IFT46: variants seen among roughly 807,000 people sequenced by gnomAD.
The protein encoded by IFT46 is intraflagellar transport protein 46 homolog.
Under a neutral mutation model 39.6 loss-of-function variants are expected in IFT46, and 19 were observed. The observed-to-expected ratio is 0.48, with a 90% CI of 0.33 to 0.70. IFT46 has a LOEUF of 0.70. Among genes scored for constraint, IFT46 ranks in the 30% least tolerant of loss-of-function variants. The pLI is 0.01. For synonymous variants in IFT46, 117 were observed against 134.8 expected (o/e 0.87, Z 0.91); for missense variants, 334 against 364.8 (o/e 0.92, Z 0.69).
intron 3 of IFT46, among the ~76,000 whole-genome samples, chr11:118,559,272 C>T (rs1346611647): frequency 1.3e-5 from 2 of 152,168 alleles, no homozygotes; most frequent in East Asian, 3.9e-4. Context: ...GGGTGATTCT[C>T]TAGGTACACA....
In IFT46 at chr11:118,564,986, T is replaced by C. The variant is rs1938177934; in HGVS notation, c.-57A>G. Reference sequence around the variant, plus strand: ...TTACCTTGGTGTCTTGGGGTTGGAGTATAAATACTTGCAACCTCTTCGGAG... The same window carrying C: ...TTACCTTGGTGTCTTGGGGTTGGAGCATAAATACTTGCAACCTCTTCGGAG... On this transcript the variant is annotated 5_prime_UTR_variant, in exon 2 of 12. In the 5' UTR this introduces an upstream ATG that the reference lacks. Transcript: ENST00000264021. 1 of 152,612 alleles carries C rather than the reference T, an allele frequency of 6.6e-6. No homozygotes were observed. The highest frequency in any genetic ancestry group is 2.1e-4 in the South Asian group (1 of 4,832). 9.5% of individuals were successfully genotyped at this position (152,612 alleles called of 1,614,324 possible). A position where few individuals can be genotyped will look rare whatever the true frequency, so the allele number is the denominator to read the frequency against.
chr11:118,555,104 A>G (rs1435755596), intron 5 of IFT46, 21 bp from the exon 6 acceptor site: 35 of 1,588,314 alleles, frequency 2.2e-5, no homozygotes, highest in Non-Finnish European at 2.9e-5. Flanking sequence ...TTGCCAAGGG[A>G]AGGTGGAGAC....
chr11:118,546,313 C>A, intron 9 of IFT46: 1 of 602,042 alleles, frequency 1.7e-6, no homozygotes, highest in East Asian at 2.8e-5. Flanking sequence ...GCCTGGGCAA[C>A]ATGGTGAAAT....
chr11:118,556,997 T>C lies in IFT46; in HGVS notation c.94A>G (p.Asn32Asp). 1 of 1,612,960 alleles carries C rather than the reference T, an allele frequency of 6.2e-7. No homozygotes were observed. Among genetic ancestry groups the C allele is most frequent in the Non-Finnish European group, 8.5e-7 (1 of 1,179,390 alleles). The change falls in exon 4 of 12, where the codon AAT becomes GAT. Residue 32 changes from asparagine to aspartate, a missense_variant. By Grantham distance (23) the Asn-to-Asp change is conservative. Transcript: ENST00000264021. ...TCATCATCATCATCGTCATCCTCAT[T>C]TTCACTAAAGCCCCGTTGAGGTGTC... ...QLTPQRGFSE[N>D]EDDDDDDDDS...
rs1938125329 is a variant in IFT46, at chr11:118,563,353, T to G, written c.-36+1612A>C. Among the ~76,000 whole-genome samples the G allele has an allele frequency of 2.0e-5, 3 of 152,198 alleles. No homozygotes were observed. In the South Asian group the frequency reaches 6.2e-4, roughly 32 times the overall value. ...CAGGATGATCTGGAAATAGTGGCGA[T>G]GGTTAAACAACATTGTGAATGTACT... On this transcript the variant is annotated intron_variant, in intron 2 of 11. Transcript: ENST00000264021.
At chr11:118,547,968 G>T (rs1478245226) in intron 9 of IFT46, among the ~76,000 whole-genome samples, 2 of 148,656 alleles carry the variant, frequency 1.3e-5, no homozygotes, top group Non-Finnish European at 3.0e-5. Context: ...GGATGGTCTC[G>T]ATCTCCTGAC....
At chr11:118,555,529 G>T in intron 4 of IFT46, 1 of 479,950 alleles carries the variant, frequency 2.1e-6, no homozygotes, top group Non-Finnish European at 3.7e-6. Flanking sequence ...GAAGGACAGA[G>T]GTGCAGAAAA....
At chr11:118,545,546 A>G (rs1555066874) in intron 10 of IFT46, 52 bp from the exon 11 acceptor site, 1 of 1,460,202 alleles carries the variant, frequency 6.8e-7, no homozygotes, top group Non-Finnish European at 9.6e-7. Flanking sequence ...TCCGGGAATT[A>G]GAGGCCCTTC....
intron 9 of IFT46, among the ~76,000 whole-genome samples, chr11:118,550,260 T>C (rs1293843937): frequency 6.6e-6 from 1 of 152,208 alleles, no homozygotes; most frequent in Admixed American, 6.5e-5. Context: ...CCGGCCTCAA[T>C]ATGACTTTTA....
chr11:118,565,604 T>C (rs1479506704), intron 1 of IFT46, 186 bp downstream of exon 1: 2 of 152,420 alleles, frequency 1.3e-5, no homozygotes, highest in Non-Finnish European at 2.9e-5. Flanking sequence ...TTCACCCTTA[T>C]CTTGCAGATA....
At chr11:118,568,586 A>C (rs1938276345), upstream of IFT46, among the ~76,000 whole-genome samples, 2 of 152,082 alleles carry the variant, frequency 1.3e-5, no homozygotes, top group African/African-American at 4.8e-5. Context: ...ATAAATAAAA[A>C]GTTACCCCAT....
upstream of IFT46, among the ~76,000 whole-genome samples, chr11:118,573,230 G>T (rs1423857052): frequency 1.3e-5 from 2 of 152,146 alleles, no homozygotes; most frequent in Non-Finnish European, 2.9e-5. Flanking sequence ...ATGTGAGCAG[G>T]TTCCAGAGAA....
upstream of IFT46, among the ~76,000 whole-genome samples, chr11:118,576,073 G>A (rs75118408): frequency 5.1e-3 from 779 of 151,572 alleles, 10 homozygotes; most frequent in African/African-American, 0.018. Context: ...AACCTCCTAT[G>A]TTAGGGATAT....
chr11:118,545,864 C>T lies in IFT46; in HGVS notation c.673-11G>A. ...CGTGGGCAGGCTTACCTGGAAGGGG[C>T]ATGGAAGGACCAAAGTCAAAAGGAT... On this transcript the variant is annotated splice_polypyrimidine_tract_variant and intron_variant, in intron 9 of 11. Transcript: ENST00000264021. 1 of 1,613,736 alleles carries T rather than the reference C, an allele frequency of 6.2e-7. No individual in the cohort carries two copies. The highest frequency in any genetic ancestry group is 8.5e-7 in the Non-Finnish European group (1 of 1,179,694).
chr11:118,575,411 G>GGTGTGT (rs56934953), upstream of IFT46, among the ~76,000 whole-genome samples: 3,859 of 149,148 alleles, frequency 0.026, 156 homozygotes, highest in African/African-American at 0.084. Flanking sequence ...ACTGATAACG[G>GGTGTGT]GTGTGTGTGT....
chr11:118,568,212 A>C (rs1319743513), upstream of IFT46, among the ~76,000 whole-genome samples: 3 of 152,228 alleles, frequency 2.0e-5, no homozygotes, highest in Non-Finnish European at 4.4e-5. Context: ...AAAAAATAAG[A>C]ATTTGTTCCA....
At chr11:118,561,445 T>A in intron 2 of IFT46, 1 of 798,798 alleles carries the variant, frequency 1.3e-6, no homozygotes, top group East Asian at 2.4e-5. Flanking sequence ...ATCCAGTCTA[T>A]GAAAAGAGGC....
At chr11:118,566,455 G>A (rs1262316182), upstream of IFT46, among the ~76,000 whole-genome samples, 1 of 152,234 alleles carries the variant, frequency 6.6e-6, no homozygotes, top group Admixed American at 6.5e-5. Context: ...CACTTTGGGA[G>A]GCCAAGGCGG....
intron 9 of IFT46, chr11:118,546,543 G>C (rs1444875877): frequency 9.6e-6 from 2 of 208,314 alleles, no homozygotes; most frequent in African/African-American, 4.6e-5. Flanking sequence ...ATTGATCTTG[G>C]ACTACTACTG....
Sources: gnomAD v4.1 joint callset for allele counts (sites outside exome capture counted in the v4.1 genomes callset) on GRCh38, gnomAD v4.1.1 for gene constraint, MANE v1.5 for transcripts, NCBI Gene and HGNC (gene_info 2026-07-23, HGNC 2026-07-21) for gene names.